Variants in PPL observed in about 807,000 individuals in gnomAD.
PPL encodes the protein 190 kDa paraneoplastic pemphigus antigen.
In PPL, 198 loss-of-function variants were observed where a neutral mutation model predicts 194.4. The observed-to-expected ratio is 1.02, with a 90% CI of 0.91 to 1.15. PPL has a LOEUF of 1.15. Among genes scored for constraint, PPL ranks in the 50% most tolerant of loss-of-function variants. PPL has a pLI of 0.00. For synonymous variants in PPL, 1,220 were observed against 972.4 expected, an observed-to-expected ratio of 1.25 and a Z score of -4.74; for missense variants, 2,885 against 2,294.8, an observed-to-expected ratio of 1.26 and a Z score of -5.25.
chr16:4,894,255 C>T (rs77997837), intron 12 of PPL, among the ~76,000 whole-genome samples: 32,332 of 152,116 alleles, frequency 0.21, 3,664 homozygotes, highest in South Asian at 0.29. Context: ...GGGGCCAGGA[C>T]GAAGCCCAGA....
rs1233954920 is a variant in PPL at position 4,883,927 on chromosome 16, C to A, written c.4728G>T (p.Gln1576His). Residue 1576 changes from glutamine to histidine, a missense_variant, in exon 22 of 22, where the codon CAG becomes CAT. Coordinates refer to ENST00000345988, the MANE Select transcript of PPL (RefSeq NM_002705.5). This position sits in a 1 kb window ranked among gnomAD's most constrained non-coding sequence, Gnocchi z 4.8. ...HKLQLERQNL[Q>H]LETRRLQSEI... is the part of the protein sequence containing the mutation. Reference sequence around the variant, plus strand: ...CCGATTGGAGCCTTCGGGTCTCCAGCTGCAGGTTTTGCCTCTCCAGCTGTA... The same window carrying A: ...CCGATTGGAGCCTTCGGGTCTCCAGATGCAGGTTTTGCCTCTCCAGCTGTA... The A allele has an allele frequency of 6.2e-7, 1 of 1,614,070 alleles. No individual in the cohort carries two copies. The highest frequency in any genetic ancestry group is 2.2e-5 in the East Asian group (1 of 44,880).
chr16:4,883,787 T>C lies in PPL; in HGVS notation c.4868A>G (p.Lys1623Arg). Reference protein sequence around the residue: ...WSLERELDDLKRLSKDKDLEI... With the variant: ...WSLERELDDLRRLSKDKDLEI... Reference sequence around the variant, plus strand: ...GAGGTCTTTGTCCTTGGAGAGCCTCTTGAGGTCATCCAGTTCCCTCTCCAG... The same window carrying C: ...GAGGTCTTTGTCCTTGGAGAGCCTCCTGAGGTCATCCAGTTCCCTCTCCAG... Residue 1623 changes from lysine (K) to arginine (R), a missense_variant, in exon 22 of 22, where the codon AAG becomes AGG. By Grantham distance (26) the Lys-to-Arg change is conservative. Coordinates refer to ENST00000345988, the MANE Select transcript of PPL (RefSeq NM_002705.5). This position sits in a 1 kb window ranked among gnomAD's most constrained non-coding sequence, Gnocchi z 4.8. 1 of 1,614,150 alleles carries C rather than the reference T, an allele frequency of 6.2e-7. No individual in the cohort carries two copies. The highest frequency in any genetic ancestry group is 2.2e-5 in the East Asian group (1 of 44,882).
At position 4,884,562 on chromosome 16, in the gene PPL, G is replaced by C; in HGVS notation, c.4093C>G (p.Arg1365Gly). The part of the protein sequence containing the change: ...VVRYEEEPGL[R>G]AEASAFAESI... ...TCGGCAAAGGCGCTCGCCTCGGCCC[G>C]CAGGCCTGGCTCCTCCTCATACCTG... Residue 1365 changes from arginine (R) to glycine (G), a missense_variant, in exon 22 of 22, where the codon CGG (arginine) becomes GGG (glycine). Coordinates refer to ENST00000345988, the MANE Select transcript of PPL (RefSeq NM_002705.5). The surrounding 1 kb of genome is among the most constrained non-coding windows in gnomAD (Gnocchi z 5.7). The C allele has an allele frequency of 4.3e-6, 7 of 1,613,862 alleles. No homozygotes were observed. The highest frequency in any genetic ancestry group is 5.9e-6 in the Non-Finnish European group (7 of 1,179,998).
At chr16:4,905,720 CAA>C (rs1249780038) in intron 2 of PPL, among the ~76,000 whole-genome samples, 1 of 152,156 alleles carries the variant, frequency 6.6e-6, no homozygotes, top group African/African-American at 2.4e-5. Flanking sequence ...GAAAATGTGT[CAA>C]GAGTGCCTTT....
Position 4,884,420 on chromosome 16 carries a change from G to T in PPL, c.4235C>A (p.Ala1412Asp). Residue 1412 changes from alanine (A) to aspartate (D), a missense_variant, in exon 22 of 22, where the codon GCC becomes GAC. By Grantham distance (126) the Ala-to-Asp change is moderately radical (BLOSUM62 -2). Transcript: ENST00000345988. This position sits in a 1 kb window ranked among gnomAD's most constrained non-coding sequence, Gnocchi z 5.7. Reference sequence around the variant, plus strand: ...TACCTCGCGCTCGGCCTCCCTGCGGGCCTGCCGCTCGCGCTCTAGCTCCTC... The same window carrying T: ...TACCTCGCGCTCGGCCTCCCTGCGGTCCTGCCGCTCGCGCTCTAGCTCCTC... ...QLEELERERQ[A>D]RREAEREVQR... is the part of the protein sequence containing the mutation. 1 of 1,603,168 alleles carries T rather than the reference G, an allele frequency of 6.2e-7. No homozygotes were observed. Among genetic ancestry groups the T allele is most frequent in the Non-Finnish European group, 8.5e-7 (1 of 1,177,772 alleles).
chr16:4,902,643 C>G lies in PPL; in HGVS notation c.318-117G>C, dbSNP rs768593031. ...CTGGAAGGACACAGTGACCATATGGCCTTGGGTTCCAGACAATCACAGCAT... is the reference window on the plus strand; with the variant it reads ...CTGGAAGGACACAGTGACCATATGGGCTTGGGTTCCAGACAATCACAGCAT... On this transcript the variant is annotated intron_variant, in intron 3 of 21. Transcript: ENST00000345988. The surrounding 1 kb of genome is among the most constrained non-coding windows in gnomAD (Gnocchi z 4.0). The G allele has an allele frequency of 2.4e-5, 29 of 1,209,466 alleles. No individual in the cohort carries two copies. Among genetic ancestry groups the G allele is most frequent in the Non-Finnish European group, 3.2e-5 (28 of 880,184 alleles). The allele number at this position is 1,209,466 out of a possible 1,614,324, so 74.9% of individuals were successfully genotyped here.
Position 4,884,848 on chromosome 16 carries a change from G to T in PPL, c.3807C>A (p.Ile1269=). 6.2e-7 allele frequency: 1 copy of T among 1,614,138 alleles called. No homozygotes were observed. Among genetic ancestry groups the T allele is most frequent in the Middle Eastern group, 1.6e-4 (1 of 6,062 alleles). Residue 1269 remains isoleucine, a synonymous_variant, in exon 22 of 22, where the codon ATC becomes ATA. Transcript: ENST00000345988. This position sits in a 1 kb window ranked among gnomAD's most constrained non-coding sequence, Gnocchi z 5.7. ...CCTGGATTTCCTTTTTCAGCTGGTA[G>T]ATCTCTAAATCACACCTTTCGATCA... ...TRLIERCDLE[I]YQLKKEIQAL...
At chr16:4,915,863 C>T (rs1406543691) in intron 1 of PPL, among the ~76,000 whole-genome samples, 1 of 152,112 alleles carries the variant, frequency 6.6e-6, no homozygotes, top group African/African-American at 2.4e-5. Flanking sequence ...ATAACTCTCC[C>T]AAAGTCACCC....
rs149764746 is a variant in PPL, at chr16:4,900,859, C to T, written c.577G>A (p.Glu193Lys). The T allele has an allele frequency of 8.5e-5, 138 of 1,614,156 alleles. 1 individual carries two copies. The African/African-American group carries it at 1.6e-3, about 18-fold the overall frequency. The change falls in exon 6 of 22, where the codon GAA (glutamate) becomes AAA (lysine). Residue 193 changes from glutamate to lysine, a missense_variant. Coordinates refer to ENST00000345988, the MANE Select transcript of PPL (RefSeq NM_002705.5). ...AGTTTCTGGTACTTGGCCCGGAGTT[C>T]GCTGTTCTGCTCCTGAGGACAGAGC... ...AKDGDKEQNS[E>K]LRAKYQKLLA...
intron 1 of PPL, among the ~76,000 whole-genome samples, chr16:4,929,695 T>A (rs2089203466): frequency 6.6e-6 from 1 of 152,174 alleles, no homozygotes; most frequent in East Asian, 1.9e-4. Context: ...TGTTTTATTT[T>A]ATTTATTTAG....
At chr16:4,897,562 C>G in intron 9 of PPL, 113 bp downstream of exon 9, 1 of 781,318 alleles carries the variant, frequency 1.3e-6, no homozygotes, top group Non-Finnish European at 2.1e-6. Flanking sequence ...ATGGCTGCCC[C>G]GCAAGGCTCC....
chr16:4,888,658 G>A (rs566453652), intron 19 of PPL: 46 of 379,414 alleles, frequency 1.2e-4, no homozygotes, highest in Middle Eastern at 7.1e-4. Flanking sequence ...CCTTTCCAGC[G>A]TACTAGTTTT....
At chr16:4,925,367 G>T (rs1398805121) in intron 1 of PPL, among the ~76,000 whole-genome samples, 1 of 152,102 alleles carries the variant, frequency 6.6e-6, no homozygotes, top group East Asian at 1.9e-4. Flanking sequence ...TGGACACTCA[G>T]GAAATAACTG....
chr16:4,919,486 A>T lies in PPL; in HGVS notation c.63-8537T>A, dbSNP rs368900730. The stretch of plus-strand genomic sequence containing the variant: ...ACTATGTTGACCAGGCTAGTCCCGA[A>T]CTCCTGGCCTCAAGTGATCCTCCCA... On this transcript the variant is annotated intron_variant, in intron 1 of 21. Coordinates refer to ENST00000345988, the MANE Select transcript of PPL (RefSeq NM_002705.5). 2.3e-4 allele frequency among the ~76,000 whole-genome samples: 35 copies of T among 152,106 alleles called. No individual in the cohort carries two copies. In the East Asian group the frequency reaches 6.2e-3, roughly 27 times the overall value.
At chr16:4,904,633 A>C (rs2088645964) in intron 2 of PPL, among the ~76,000 whole-genome samples, 1 of 152,166 alleles carries the variant, frequency 6.6e-6, no homozygotes, top group Non-Finnish European at 1.5e-5. Context: ...GCGAGCTACG[A>C]CTGGGCCATA....
intron 2 of PPL, among the ~76,000 whole-genome samples, chr16:4,904,625 G>A (rs1331137504): frequency 3.9e-5 from 6 of 152,202 alleles, no homozygotes; most frequent in Non-Finnish European, 7.3e-5. Context: ...AGGAGAGAGC[G>A]AGCTACGACT....
chr16:4,899,220 C>T lies in PPL; in HGVS notation c.768+3G>A, dbSNP rs368350770. The T allele has an allele frequency of 5.7e-5, 92 of 1,613,770 alleles. No individual in the cohort carries two copies. The highest frequency in any genetic ancestry group is 7.7e-5 in the Non-Finnish European group (91 of 1,179,916). ...CCTGATGCCCCAGGCCCCCAGAACC[C>T]ACCTCATACTGGCGCCGGCGGCTGG... On this transcript the variant is annotated splice_donor_region_variant and intron_variant, in intron 7 of 21. Transcript: ENST00000345988.
chr16:4,919,634 A>G (rs575305792), intron 1 of PPL, among the ~76,000 whole-genome samples: 8 of 152,156 alleles, frequency 5.3e-5, no homozygotes, highest in African/African-American at 1.9e-4. Context: ...CTCTCTAGTT[A>G]TGTTCATGTA....
At position 4,883,136 on chromosome 16, in the gene PPL, A is replaced by G; in HGVS notation, c.*248T>C. On this transcript the variant is annotated 3_prime_UTR_variant, in exon 22 of 22. Transcript: ENST00000345988. The surrounding 1 kb of genome is among the most constrained non-coding windows in gnomAD (Gnocchi z 4.8). ...TGTACAGGAAAAGGGAGGAAAAGGC[A>G]TCGCAGTTGTCCAGTCATTGGAGGA... The G allele has an allele frequency of 1.9e-6, 1 of 517,116 alleles. No homozygotes were observed. The highest frequency in any genetic ancestry group is 3.5e-6 in the Non-Finnish European group (1 of 289,042). The allele number at this position is 517,116 out of a possible 1,614,324, so 32.0% of individuals were successfully genotyped here.
Sources: gnomAD v4.1 joint callset for allele counts (sites outside exome capture counted in the v4.1 genomes callset) on GRCh38, gnomAD v4.1.1 for gene constraint, Gnocchi (gnomAD v3.1) non-coding constraint, MANE v1.5 for transcripts, NCBI Gene and HGNC (gene_info 2026-07-23, HGNC 2026-07-21) for gene names.